CCDC148: variants seen among roughly 807,000 people sequenced by gnomAD.
The protein encoded by CCDC148 is coiled-coil domain containing 148, also known as coiled-coil domain-containing protein 148.
Under a neutral mutation model 85.7 loss-of-function variants are expected in CCDC148, and 89 were observed. The ratio of observed to expected loss-of-function variants is 1.04; its 90% CI spans 0.87 to 1.24. The LOEUF (loss-of-function observed/expected upper bound fraction) is 1.24. Ranked by LOEUF, CCDC148 falls within the 50% of genes most tolerant of loss-of-function variation. The probability of loss-of-function intolerance (pLI) is 0.00; values close to 1 mark genes in which losing one functional copy is unlikely to be tolerated. For missense variants in CCDC148, 692 were observed against 671.7 expected (o/e 1.03, Z -0.33); for synonymous variants, 230 against 213.9 (o/e 1.08, Z -0.66).
chr2:158,405,806 A>G (rs1327321857), intron 1 of CCDC148, among the ~76,000 whole-genome samples: 1 of 152,216 alleles, frequency 6.6e-6, no homozygotes. Flanking sequence ...TTTATTGGAT[A>G]GTACATTCAT....
intron 10 of CCDC148, among the ~76,000 whole-genome samples, chr2:158,240,512 CCT>C (rs1265403995): frequency 6.9e-6 from 1 of 145,430 alleles, no homozygotes; most frequent in Non-Finnish European, 1.5e-5. Flanking sequence ...GAAGTATCAG[CCT>C]CTCTGTTACA....
intron 11 of CCDC148, among the ~76,000 whole-genome samples, chr2:158,192,537 G>A (rs957566278): frequency 1.3e-5 from 2 of 152,068 alleles, no homozygotes; most frequent in African/African-American, 2.4e-5. Context: ...ATGGCCAAGC[G>A]TTGGCCATCT....
chr2:158,187,872 TC>T (rs1685229322), intron 11 of CCDC148, among the ~76,000 whole-genome samples: 1 of 152,038 alleles, frequency 6.6e-6, no homozygotes, highest in Admixed American at 6.6e-5. Context: ...TTTTATTTGT[TC>T]TTTATGTAAG....
At chr2:158,415,105 A>T (rs895986093) in intron 1 of CCDC148, among the ~76,000 whole-genome samples, 1 of 152,038 alleles carries the variant, frequency 6.6e-6, no homozygotes, top group Middle Eastern at 3.4e-3. Context: ...TCACATTGCT[A>T]CAAAGAACTG....
chr2:158,306,379 G>A (rs180965774), intron 9 of CCDC148, among the ~76,000 whole-genome samples: 3 of 151,802 alleles, frequency 2.0e-5, no homozygotes, highest in East Asian at 3.9e-4. Context: ...TACAAAAAAC[G>A]TATGTTTATT....
In CCDC148 at chr2:158,172,229, A is replaced by G. The variant is rs1684350115; in HGVS notation, c.1660T>C (p.Leu554=). Residue 554 remains leucine (L), a synonymous_variant, in exon 14 of 14, where the codon TTA becomes CTA. Transcript: ENST00000283233. The part of the protein sequence containing the change: ...IISDPRLRFE[L]ALREAGLHRT... ...TGAAGTCCAGCTTCTCGAAGTGCTAACTCGAAGCGAAGTCTAGGGTCAGAA... is the reference window on the plus strand; with the variant it reads ...TGAAGTCCAGCTTCTCGAAGTGCTAGCTCGAAGCGAAGTCTAGGGTCAGAA... The G allele has an allele frequency of 6.2e-7, 1 of 1,607,522 alleles. No individual in the cohort carries two copies. The highest frequency in any genetic ancestry group is 1.7e-5 in the Admixed American group (1 of 59,096).
intron 10 of CCDC148, among the ~76,000 whole-genome samples, chr2:158,228,290 T>C (rs1026399509): frequency 4.6e-5 from 7 of 152,162 alleles, no homozygotes; most frequent in Non-Finnish European, 8.8e-5. Flanking sequence ...ATTGCAATCA[T>C]TAAAAAGTCA....
At chr2:158,434,039 G>A (rs1441404015) in intron 1 of CCDC148, among the ~76,000 whole-genome samples, 3 of 152,170 alleles carry the variant, frequency 2.0e-5, no homozygotes, top group African/African-American at 4.8e-5. Flanking sequence ...CTCCACCTCT[G>A]GGGGCACAGC....
chr2:158,327,436 C>T (rs780710857), intron 7 of CCDC148, among the ~76,000 whole-genome samples: 6 of 152,142 alleles, frequency 3.9e-5, no homozygotes, highest in Non-Finnish European at 5.9e-5. Flanking sequence ...CACCTACCAC[C>T]TCAGGAAGCT....
chr2:158,183,461 T>C (rs1056634114), intron 11 of CCDC148, among the ~76,000 whole-genome samples: 5 of 152,142 alleles, frequency 3.3e-5, no homozygotes, highest in African/African-American at 1.2e-4. Context: ...CTCCCTTTTA[T>C]CTGGAGTCAC....
chr2:158,412,996 A>G (rs150372786), intron 1 of CCDC148, among the ~76,000 whole-genome samples: 130 of 151,990 alleles, frequency 8.6e-4, no homozygotes, highest in African/African-American at 3.1e-3. Flanking sequence ...ATGCTATAGC[A>G]ATATAACTAT....
chr2:158,326,865 C>T (rs906275632), intron 7 of CCDC148, among the ~76,000 whole-genome samples: 3 of 152,044 alleles, frequency 2.0e-5, no homozygotes, highest in African/African-American at 7.2e-5. Context: ...CATGAAAAAG[C>T]AAATATATAA....
intron 11 of CCDC148, among the ~76,000 whole-genome samples, chr2:158,183,252 G>A (rs1178038835): frequency 6.6e-6 from 1 of 152,050 alleles, no homozygotes; most frequent in Non-Finnish European, 1.5e-5. Flanking sequence ...GAGTGTAGTT[G>A]AAGGGACAGT....
Position 158,226,120 on chromosome 2 carries a change from G to C in CCDC148, c.1252-5407C>G, listed in dbSNP as rs533516793. ...AGACGCAATAAAAAATGATAAAGGG[G>C]ATATCACCACCTATCCCACAGAAAT... is the stretch of plus-strand genomic sequence containing the variant. On this transcript the variant is annotated intron_variant, in intron 10 of 13. Coordinates refer to ENST00000283233, the MANE Select transcript of CCDC148 (RefSeq NM_138803.4). Among the ~76,000 whole-genome samples, 218 of 152,218 alleles carry C rather than the reference G, an allele frequency of 1.4e-3. 2 individuals carry two copies. The highest frequency in any genetic ancestry group is 5.0e-3 in the African/African-American group (209 of 41,526).
At chr2:158,320,294 A>G (rs1012539289) in intron 7 of CCDC148, among the ~76,000 whole-genome samples, 2 of 152,208 alleles carry the variant, frequency 1.3e-5, no homozygotes, top group African/African-American at 2.4e-5. Context: ...GGTTCTTCTC[A>G]GTTTATTTTT....
chr2:158,246,486 C>CAT (rs1437620331), intron 10 of CCDC148, among the ~76,000 whole-genome samples: 1 of 152,076 alleles, frequency 6.6e-6, no homozygotes, highest in African/African-American at 2.4e-5. Context: ...TACACACACA[C>CAT]ATACACGCAC....
chr2:158,190,238 A>G (rs2105272082), intron 11 of CCDC148, among the ~76,000 whole-genome samples: 1 of 152,074 alleles, frequency 6.6e-6, no homozygotes, highest in South Asian at 2.1e-4. Context: ...TAGGATCATG[A>G]TTTTGGAGGG....
chr2:158,437,120 C>G (rs539525603), intron 1 of CCDC148, among the ~76,000 whole-genome samples: 5 of 152,178 alleles, frequency 3.3e-5, no homozygotes, highest in Non-Finnish European at 5.9e-5. Flanking sequence ...CTCCCTAACT[C>G]ATTTTATGAG....
chr2:158,234,647 C>A (rs980976841), intron 10 of CCDC148, among the ~76,000 whole-genome samples: 1 of 152,072 alleles, frequency 6.6e-6, no homozygotes, highest in Non-Finnish European at 1.5e-5. Context: ...ATGTAATGAT[C>A]CCAAGTTGCA....
Sources: gnomAD v4.1 joint callset for allele counts (sites outside exome capture counted in the v4.1 genomes callset) on GRCh38, gnomAD v4.1.1 for gene constraint, MANE v1.5 for transcripts, NCBI Gene and HGNC (gene_info 2026-07-23, HGNC 2026-07-21) for gene names.